The following KDM5C variants were observed in gnomAD, a reference collection of about 807,000 sequenced individuals.
KDM5C encodes the protein lysine-specific demethylase 5C.
KDM5C carries 16 observed loss-of-function variants against 110.6 expected under a neutral mutation model. The ratio of observed to expected loss-of-function variants is 0.14; its 90% CI spans 0.10 to 0.22. KDM5C has a LOEUF of 0.22. KDM5C is among the 10% of genes least tolerant of loss of function. The pLI is 1.00. For missense variants in KDM5C, 681 were observed against 1,300.9 expected (o/e 0.52, Z 7.33); for synonymous variants, 511 against 520.4 (o/e 0.98, Z 0.24).
chrX:53,197,857 G>A lies in KDM5C; in HGVS notation c.2536C>T (p.Leu846=), dbSNP rs1556838740. The A allele has an allele frequency of 8.4e-7, 1 of 1,194,037 alleles. No individual in the cohort carries two copies. The highest frequency in any genetic ancestry group is 1.1e-6 in the Non-Finnish European group (1 of 885,815). ...CGGAGCTCAGTCAGGGTCATCTGTA[G>A]ACCAGCCACCCTGTGGGGGCTATGA... ...QEAGPHRVAG[L]QMTLTELRAF... The change falls in exon 18 of 26, where the codon CTA becomes TTA. Residue 846 remains leucine, a synonymous_variant. Transcript: ENST00000375401.
rs782618420 is a variant in KDM5C at position 53,204,364 on chromosome X, CCCTATAACTCCA to C, written c.1747-2403_1747-2392del. 5.6e-5 allele frequency among the ~76,000 whole-genome samples: 6 copies of C among 107,730 alleles called. No individual in the cohort carries two copies. The East Asian group carries it at 1.8e-3, about 32-fold the overall frequency. 93.6% of individuals were successfully genotyped at this position (107,730 alleles called of 115,157 possible). A position where few individuals can be genotyped will look rare whatever the true frequency, so the allele number is the denominator to read the frequency against. On this transcript the variant is annotated intron_variant, in intron 12 of 25. Transcript: ENST00000375401. ...CAGTATGATAAATCCTAATTACATT[CCCTATAACTCCA>C]CCTTCAATTGTACCTAGGAGACCTT...
chrX:53,214,963 T>G, intron 7 of KDM5C, 116 bp from the exon 8 acceptor site: 1 of 763,674 alleles, frequency 1.3e-6, no homozygotes, highest in Non-Finnish European at 2.0e-6. Context: ...ACTGCACGTA[T>G]GTACCATCTC....
In KDM5C at chrX:53,224,944, T is replaced by C. The variant is rs1009751461; in HGVS notation, c.-55A>G. On this transcript the variant is annotated 5_prime_UTR_variant, in exon 1 of 26. Coordinates refer to ENST00000375401, the MANE Select transcript of KDM5C (RefSeq NM_004187.5). ...GGAGGCTTGGACCGCCCTTAAGGAC[T>C]CATGGCGCCGCCGCTGTTTGAAGCC... 4.4e-6 allele frequency: 5 copies of C among 1,134,435 alleles called. No homozygotes were observed. The highest frequency in any genetic ancestry group is 5.9e-6 in the Non-Finnish European group (5 of 850,918). 93.5% of individuals were successfully genotyped at this position (1,134,435 alleles called of 1,213,427 possible). A position where few individuals can be genotyped will look rare whatever the true frequency, so the allele number is the denominator to read the frequency against.
chrX:53,192,704 CATCT>C lies in KDM5C; in HGVS notation c.*259_*262del, dbSNP rs1225443658. 5.2e-6 allele frequency: 6 copies of C among 1,152,277 alleles called. No individual in the cohort carries two copies. The African/African-American group carries it at 9.2e-5, about 18-fold the overall frequency. The allele number at this position is 1,152,277 out of a possible 1,213,427, so 95.0% of individuals were successfully genotyped here. A position where few individuals can be genotyped will look rare whatever the true frequency, so the allele number is the denominator to read the frequency against. ...CCACCCCCCTGCCCACCAGCCCATC[CATCT>C]ATCTGCCTCAGGTGTCTGGGAATGC... On this transcript the variant is annotated 3_prime_UTR_variant, in exon 26 of 26. Coordinates refer to ENST00000375401, the MANE Select transcript of KDM5C (RefSeq NM_004187.5).
intron 25 of KDM5C, among the ~76,000 whole-genome samples, chrX:53,181,786 G>A (rs1476354156): frequency 1.8e-5 from 2 of 109,362 alleles, no homozygotes; most frequent in African/African-American, 6.7e-5. Context: ...TTTTTGATTG[G>A]GCCAAACTTT....
chrX:53,221,920 C>T, intron 1 of KDM5C: 1 of 290,533 alleles, frequency 3.4e-6, no homozygotes, highest in African/African-American at 2.8e-5. Flanking sequence ...GTGAAGAACC[C>T]CCTCTCCAAC....
In KDM5C at chrX:53,197,761, G is replaced by A; in HGVS notation, c.2622+10C>T. On this transcript the variant is annotated intron_variant, in intron 18 of 25. Coordinates refer to ENST00000375401, the MANE Select transcript of KDM5C (RefSeq NM_004187.5). ...CCTTGATCCCTCATCAGCACTCCAAGCGTCCTCACCTTGACATCCCCAATC... is the reference window on the plus strand; with the variant it reads ...CCTTGATCCCTCATCAGCACTCCAAACGTCCTCACCTTGACATCCCCAATC... 1 of 1,185,197 alleles carries A rather than the reference G, an allele frequency of 8.4e-7. No homozygotes were observed. The highest frequency in any genetic ancestry group is 1.1e-6 in the Non-Finnish European group (1 of 876,606).
At chrX:53,197,698 G>A in intron 18 of KDM5C, 73 bp downstream of exon 18, 1 of 852,124 alleles carries the variant, frequency 1.2e-6, no homozygotes, top group South Asian at 2.2e-5. Flanking sequence ...GCTTTTGAAA[G>A]GAGCCAAGCA....
intron 25 of KDM5C, among the ~76,000 whole-genome samples, chrX:53,185,360 C>T (rs2146793109): frequency 8.9e-6 from 1 of 112,202 alleles, no homozygotes; most frequent in Non-Finnish European, 1.9e-5. Flanking sequence ...AGATGGCAGA[C>T]CTTCTAGACA....
At chrX:53,184,923 C>T (rs1556827600) in intron 25 of KDM5C, among the ~76,000 whole-genome samples, 1 of 111,985 alleles carries the variant, frequency 8.9e-6, no homozygotes, top group Admixed American at 9.5e-5. Flanking sequence ...AAAACCTCTA[C>T]TCAATAGTAG....
At chrX:53,219,757 C>T (rs1556853853) in intron 2 of KDM5C, among the ~76,000 whole-genome samples, 1 of 112,599 alleles carries the variant, frequency 8.9e-6, no homozygotes, top group African/African-American at 3.2e-5. Flanking sequence ...GGAAGTGCTC[C>T]TTCAACCTCA....
chrX:53,224,990 G>C lies in KDM5C; in HGVS notation c.-101C>G. 4 of 1,016,996 alleles carry C rather than the reference G, an allele frequency of 3.9e-6. No individual in the cohort carries two copies. Among genetic ancestry groups the C allele is most frequent in the Non-Finnish European group, 5.2e-6 (4 of 772,985 alleles). The allele number at this position is 1,016,996 out of a possible 1,213,427, so 83.8% of individuals were successfully genotyped here. The stretch of plus-strand genomic sequence containing the variant: ...AAGCCGAGGCAATGCTCGGAGGCTA[G>C]GCCCTAAGCGGGGCAGCCGCCGCCC... On this transcript the variant is annotated 5_prime_UTR_variant, in exon 1 of 26. Coordinates refer to ENST00000375401, the MANE Select transcript of KDM5C (RefSeq NM_004187.5).
At chrX:53,206,643 C>T (rs2073338980) in intron 12 of KDM5C, among the ~76,000 whole-genome samples, 1 of 109,793 alleles carries the variant, frequency 9.1e-6, no homozygotes, top group African/African-American at 3.3e-5. Context: ...GCGGGCAGAT[C>T]ACTTGAAGTC....
At chrX:53,187,902 C>T (rs1217163946), downstream of KDM5C, among the ~76,000 whole-genome samples, 1 of 109,204 alleles carries the variant, frequency 9.2e-6, no homozygotes, top group African/African-American at 3.3e-5. Context: ...ACCACCACTC[C>T]CGGCTAATTT....
chrX:53,213,444 T>C (rs1326882805), intron 8 of KDM5C, among the ~76,000 whole-genome samples: 4 of 112,305 alleles, frequency 3.6e-5, no homozygotes, highest in African/African-American at 6.5e-5. Flanking sequence ...ATGTCTGCTC[T>C]ACAGAAATCC....
At chrX:53,191,558 G>C (rs1405169555), downstream of KDM5C, 2 of 173,340 alleles carry the variant, frequency 1.2e-5, no homozygotes, top group Non-Finnish European at 2.2e-5. Flanking sequence ...TCTTAAAAAA[G>C]TGAACTCAGG....
At chrX:53,216,469 G>A (rs1003291382) in intron 5 of KDM5C, among the ~76,000 whole-genome samples, 1 of 112,179 alleles carries the variant, frequency 8.9e-6, no homozygotes, top group Non-Finnish European at 1.9e-5. Context: ...AGTTATGAGG[G>A]GGGTTAGGGA....
intron 7 of KDM5C, 159 bp downstream of exon 7, chrX:53,215,636 T>G (rs1279461366): frequency 9.6e-6 from 5 of 520,538 alleles, no homozygotes; most frequent in Non-Finnish European, 1.7e-5. Context: ...TTGTTCCATA[T>G]GAGTTGGCTT....
Position 53,215,802 on chromosome X carries a change from G to T in KDM5C, c.956C>A (p.Ala319Asp). 8.3e-7 allele frequency: 1 copy of T among 1,211,103 alleles called. No individual in the cohort carries two copies. Among genetic ancestry groups the T allele is most frequent in the Non-Finnish European group, 1.1e-6 (1 of 894,879 alleles). ...TCAGGGCTGGGTCCTTACAAACTGG[G>T]CATTGCTGTGGTTCCTCCGTAGCCT... is the stretch of plus-strand genomic sequence containing the variant. ...TMRLRRNHSN[A>D]QFIESYVCRM... is the part of the protein sequence containing the mutation. Residue 319 changes from alanine to aspartate, a missense_variant, in exon 7 of 26, where the codon GCC (alanine) becomes GAC (aspartate). Ala to Asp is a moderately radical substitution (Grantham distance 126). This residue lies in a region of KDM5C where 71 missense variants were observed against 115.0 expected (regional missense o/e 0.62). Transcript: ENST00000375401.
Sources: allele counts gnomAD v4.1 joint callset (sites outside exome capture counted in the v4.1 genomes callset), GRCh38; gene constraint gnomAD v4.1.1; regional missense constraint gnomAD v4.1.1; transcripts MANE v1.5; gene names NCBI Gene and HGNC (gene_info 2026-07-23, HGNC 2026-07-21).